The following PCDH15 variants were observed in gnomAD, a reference collection of about 807,000 sequenced individuals.
PCDH15 encodes the protein protocadherin related 15, also known as protocadherin-15.
A neutral mutation model predicts 178.5 loss-of-function variants in PCDH15; 129 were observed. The observed-to-expected ratio is 0.72, with a 90% CI of 0.63 to 0.84. PCDH15 has a LOEUF of 0.84. Among genes scored for constraint, PCDH15 ranks in the 40% least tolerant of loss-of-function variants. The probability of loss-of-function intolerance (pLI) is 0.00; values close to 1 mark genes in which losing one functional copy is unlikely to be tolerated. For missense variants in PCDH15, 2,230 were observed against 2,099.9 expected, an observed-to-expected ratio of 1.06 and a Z score of -1.21; for synonymous variants, 800 against 732.0, an observed-to-expected ratio of 1.09 and a Z score of -1.50.
At chr10:55,168,349 C>G (rs1317972024) in intron 1 of PCDH15, among the ~76,000 whole-genome samples, 1 of 152,084 alleles carries the variant, frequency 6.6e-6, no homozygotes, top group Non-Finnish European at 1.5e-5. Flanking sequence ...TTTTAACATT[C>G]TTTAATAATG....
chr10:55,159,371 A>ATCTATCTATC (rs61145272), intron 2 of PCDH15, among the ~76,000 whole-genome samples: 1 of 5,940 alleles, frequency 1.7e-4, no homozygotes, highest in African/African-American at 1.9e-4. Flanking sequence ...CTATCTATCT[A>ATCTATCTATC]TATATATATA....
intron 15 of PCDH15, among the ~76,000 whole-genome samples, chr10:54,092,645 C>T (rs1319879614): frequency 6.6e-6 from 1 of 152,010 alleles, no homozygotes; most frequent in Non-Finnish European, 1.5e-5. Context: ...TCTAAGAATA[C>T]ACTCAATAAA....
intron 26 of PCDH15, among the ~76,000 whole-genome samples, chr10:53,901,247 C>A (rs1388865433): frequency 6.6e-6 from 1 of 151,996 alleles, no homozygotes; most frequent in Non-Finnish European, 1.5e-5. Flanking sequence ...TTTGCAAATG[C>A]CTTGCCAAGA....
intron 3 of PCDH15, among the ~76,000 whole-genome samples, chr10:54,424,527 A>G (rs1955993514): frequency 6.6e-6 from 1 of 150,670 alleles, no homozygotes; most frequent in South Asian, 2.1e-4. Flanking sequence ...CCAAAGGATT[A>G]TAAAACATGC....
chr10:53,965,846 ATCT>A (rs566413233), intron 21 of PCDH15, among the ~76,000 whole-genome samples: 6 of 132,288 alleles, frequency 4.5e-5, no homozygotes, highest in African/African-American at 1.7e-4. Flanking sequence ...TATACTTAGA[ATCT>A]TCTTTTTAAT....
At chr10:55,179,411 A>G (rs1839581193) in intron 1 of PCDH15, among the ~76,000 whole-genome samples, 1 of 152,098 alleles carries the variant, frequency 6.6e-6, no homozygotes, top group Admixed American at 6.6e-5. Flanking sequence ...CTGAGATGCC[A>G]GTTCTGGATA....
chr10:54,941,836 C>A (rs577055678), intron 2 of PCDH15, among the ~76,000 whole-genome samples: 2 of 152,004 alleles, frequency 1.3e-5, no homozygotes, highest in East Asian at 3.9e-4. Flanking sequence ...GTACAACAAT[C>A]TAATATTGAT....
chr10:54,936,036 C>G (rs1837898517), intron 2 of PCDH15, among the ~76,000 whole-genome samples: 1 of 152,006 alleles, frequency 6.6e-6, no homozygotes, highest in South Asian at 2.1e-4. Context: ...TCAATTGTCA[C>G]TCATCATTCC....
intron 2 of PCDH15, among the ~76,000 whole-genome samples, chr10:54,646,293 C>A (rs1372363192): frequency 1.3e-5 from 2 of 152,030 alleles, no homozygotes; most frequent in African/African-American, 4.8e-5. Flanking sequence ...ACAAAACTCA[C>A]GTAAATGAAA....
Position 54,845,105 on chromosome 10 carries a change from A to C in PCDH15, c.-29+52345T>G, listed in dbSNP as rs185906160. Among the ~76,000 whole-genome samples the C allele has an allele frequency of 1.6e-3, 250 of 152,060 alleles. 6 individuals are homozygous for C. In the East Asian group the frequency reaches 0.04, roughly 24 times the overall value. On this transcript the variant is annotated intron_variant, in intron 3 of 5. Transcript: ENST00000458638. ...ATTCTTAGAATCAAATCTTTTAGAA[A>C]AGGAAAAGCCTTTTTTTCTTTTTTC...
At chr10:54,911,605 G>A (rs948876457) in intron 2 of PCDH15, among the ~76,000 whole-genome samples, 2 of 152,088 alleles carry the variant, frequency 1.3e-5, no homozygotes, top group Non-Finnish European at 2.9e-5. Flanking sequence ...GATATGATTT[G>A]GCTTTGAGTC....
At chr10:54,021,389 A>G (rs1392609338) in intron 19 of PCDH15, among the ~76,000 whole-genome samples, 1 of 152,070 alleles carries the variant, frequency 6.6e-6, no homozygotes, top group South Asian at 2.1e-4. Flanking sequence ...ACAATCAGAA[A>G]GATGCTATTA....
chr10:54,718,990 C>A (rs12412571), intron 1 of PCDH15, among the ~76,000 whole-genome samples: 1 of 151,746 alleles, frequency 6.6e-6, no homozygotes, highest in African/African-American at 2.4e-5. Flanking sequence ...CCACTGCACC[C>A]GGTCCACACT....
chr10:54,080,434 G>T (rs1380354017), intron 16 of PCDH15, among the ~76,000 whole-genome samples: 1 of 151,986 alleles, frequency 6.6e-6, no homozygotes, highest in Non-Finnish European at 1.5e-5. Flanking sequence ...TTTTAATCGA[G>T]CCTAACAAGT....
At chr10:55,080,710 C>T (rs534344499) in intron 2 of PCDH15, among the ~76,000 whole-genome samples, 1 of 152,238 alleles carries the variant, frequency 6.6e-6, no homozygotes, top group African/African-American at 2.4e-5. Flanking sequence ...ACAGGCAGCC[C>T]TCCAGCTCAC....
chr10:54,158,449 C>T (rs2045379446), intron 13 of PCDH15, among the ~76,000 whole-genome samples: 1 of 152,132 alleles, frequency 6.6e-6, no homozygotes, highest in Admixed American at 6.5e-5. Flanking sequence ...CAGATCCCTC[C>T]CACAATACTT....
At chr10:54,220,912 G>A (rs1221829150) in intron 9 of PCDH15, among the ~76,000 whole-genome samples, 1 of 151,832 alleles carries the variant, frequency 6.6e-6, no homozygotes, top group Admixed American at 6.6e-5. Flanking sequence ...GTAAAACCAA[G>A]TGAAATTTAT....
At chr10:55,017,572 A>T (rs1840213483) in intron 2 of PCDH15, among the ~76,000 whole-genome samples, 1 of 152,130 alleles carries the variant, frequency 6.6e-6, no homozygotes, top group Non-Finnish European at 1.5e-5. Context: ...TGAATGCTTA[A>T]ATCCAAATAT....
intron 2 of PCDH15, among the ~76,000 whole-genome samples, chr10:55,040,856 C>T (rs1840849211): frequency 6.6e-6 from 1 of 151,796 alleles, no homozygotes; most frequent in South Asian, 2.1e-4. Context: ...TCCCTTTCTA[C>T]TTTATTTGTA....
Sources: allele counts gnomAD v4.1 joint callset (sites outside exome capture counted in the v4.1 genomes callset), GRCh38; gene constraint gnomAD v4.1.1; transcripts MANE v1.5; gene names NCBI Gene and HGNC (gene_info 2026-07-23, HGNC 2026-07-21).